The following ZC2HC1A variants were observed in gnomAD, a reference collection of about 807,000 sequenced individuals.
ZC2HC1A encodes zinc finger C2HC domain-containing protein 1A.
ZC2HC1A carries 28 observed loss-of-function variants against 40.7 expected under a neutral mutation model. That is an observed-to-expected ratio of 0.69 (90% CI 0.51 to 0.94). ZC2HC1A has a LOEUF of 0.94. Among genes scored for constraint, ZC2HC1A ranks in the 40% least tolerant of loss-of-function variants. The probability of loss-of-function intolerance (pLI) is 0.00; values close to 1 mark genes in which losing one functional copy is unlikely to be tolerated. For missense variants in ZC2HC1A, 389 were observed against 386.3 expected (o/e 1.01, Z -0.06); for synonymous variants, 129 against 129.2 (o/e 1.00, Z 0.01).
At chr8:78,700,410 T>C (rs1207764642) in intron 7 of ZC2HC1A, among the ~76,000 whole-genome samples, 1 of 152,194 alleles carries the variant, frequency 6.6e-6, no homozygotes, top group African/African-American at 2.4e-5. Context: ...TATTAGACTT[T>C]TGTTGGATGC....
At chr8:78,678,918 A>G (rs1009540172) in intron 3 of ZC2HC1A, 17 of 252,680 alleles carry the variant, frequency 6.7e-5, no homozygotes, top group South Asian at 3.3e-4. Context: ...TGCTGTTTCA[A>G]ACTCCATCAA....
chr8:78,686,058 A>G (rs1809959221), intron 3 of ZC2HC1A: 1 of 152,398 alleles, frequency 6.6e-6, no homozygotes, highest in Admixed American at 6.5e-5. Flanking sequence ...TGCTACTGGG[A>G]TAATGGCATT....
intron 1 of ZC2HC1A, among the ~76,000 whole-genome samples, chr8:78,674,370 A>G (rs921545407): frequency 4.6e-5 from 7 of 152,196 alleles, no homozygotes; most frequent in African/African-American, 1.7e-4. Context: ...ATTTAAAGGA[A>G]TACGTTAAAA....
chr8:78,690,305 A>T (rs994932831), intron 5 of ZC2HC1A, among the ~76,000 whole-genome samples: 4 of 152,188 alleles, frequency 2.6e-5, no homozygotes, highest in African/African-American at 9.6e-5. Context: ...CCCGCCTTTA[A>T]TCCCAGCACT....
intron 4 of ZC2HC1A, among the ~76,000 whole-genome samples, chr8:78,687,280 T>C (rs1810014550): frequency 6.6e-6 from 1 of 151,816 alleles, no homozygotes; most frequent in South Asian, 2.1e-4. Context: ...ATGTTAGTAC[T>C]CTAGATTGGG....
chr8:78,701,192 T>G (rs62518984), intron 7 of ZC2HC1A, among the ~76,000 whole-genome samples: 7,777 of 152,294 alleles, frequency 0.051, 278 homozygotes, highest in Middle Eastern at 0.082. Flanking sequence ...TAGTCCTCCT[T>G]GTATAGATCT....
chr8:78,687,748 TTATATATATTTACGTAAGACATTA>T (rs1372436834), intron 4 of ZC2HC1A, among the ~76,000 whole-genome samples: 3 of 59,712 alleles, frequency 5.0e-5, no homozygotes, highest in Non-Finnish European at 6.9e-5. Context: ...ATGTAATACA[TTATATATATTTACGTAAGACATTA>T]TATATATATT....
chr8:78,674,926 A>G (rs1398443630), intron 1 of ZC2HC1A, among the ~76,000 whole-genome samples: 2 of 152,092 alleles, frequency 1.3e-5, no homozygotes, highest in South Asian at 2.1e-4. Context: ...TTCAGCAGAA[A>G]CTATGGGGAA....
At chr8:78,713,169 A>G (rs1016686893) in intron 7 of ZC2HC1A, among the ~76,000 whole-genome samples, 7 of 152,302 alleles carry the variant, frequency 4.6e-5, no homozygotes, top group African/African-American at 1.7e-4. Flanking sequence ...GGTAGATTCT[A>G]GATACAGAGT....
intron 3 of ZC2HC1A, among the ~76,000 whole-genome samples, chr8:78,681,266 A>C (rs2130457809): frequency 6.6e-6 from 1 of 152,272 alleles, no homozygotes; most frequent in East Asian, 1.9e-4. Context: ...TCTATGCTGA[A>C]TAGTAGAAAT....
At chr8:78,691,177 A>C (rs545440834) in intron 5 of ZC2HC1A, among the ~76,000 whole-genome samples, 66 of 152,162 alleles carry the variant, frequency 4.3e-4, no homozygotes, top group Middle Eastern at 3.4e-3. Context: ...ATTGTTTTTC[A>C]CCATTGTGTA....
At chr8:78,668,790 G>A (rs541610453) in intron 1 of ZC2HC1A, among the ~76,000 whole-genome samples, 1 of 152,252 alleles carries the variant, frequency 6.6e-6, no homozygotes, top group Admixed American at 6.5e-5. Context: ...AAGGATAATA[G>A]AAGTAGTTCT....
intron 1 of ZC2HC1A, among the ~76,000 whole-genome samples, chr8:78,669,138 A>T (rs192154032): frequency 6.7e-6 from 1 of 149,790 alleles, no homozygotes; most frequent in East Asian, 1.9e-4. Context: ...ATAATTCTTT[A>T]TCTTTATTAA....
At chr8:78,694,875 T>C (rs1810348753) in intron 5 of ZC2HC1A, among the ~76,000 whole-genome samples, 1 of 152,214 alleles carries the variant, frequency 6.6e-6, no homozygotes, top group South Asian at 2.1e-4. Flanking sequence ...TATAAAATCA[T>C]TTCATTCTCC....
intron 4 of ZC2HC1A, among the ~76,000 whole-genome samples, chr8:78,688,851 ATTAC>A (rs1170431298): frequency 6.6e-6 from 1 of 152,140 alleles, no homozygotes; most frequent in Non-Finnish European, 1.5e-5. Flanking sequence ...GTCATGTATT[ATTAC>A]TTCCTAACTA....
At chr8:78,667,679 TC>T (rs1339890577) in intron 1 of ZC2HC1A, among the ~76,000 whole-genome samples, 3 of 152,206 alleles carry the variant, frequency 2.0e-5, no homozygotes, top group Admixed American at 2.0e-4. Context: ...ATTATGGGCA[TC>T]TTTTTAGGTT....
At chr8:78,681,869 A>G (rs542399727) in intron 3 of ZC2HC1A, among the ~76,000 whole-genome samples, 1 of 148,636 alleles carries the variant, frequency 6.7e-6, no homozygotes, top group Admixed American at 6.7e-5. Context: ...TAATTCCTTC[A>G]TAATTTGAGT....
In ZC2HC1A at chr8:78,691,892, A is replaced by T. The variant is rs188863815; in HGVS notation, c.504+2519A>T. Among the ~76,000 whole-genome samples, 1,441 of 152,198 alleles carry T rather than the reference A, an allele frequency of 9.5e-3. 10 individuals are homozygous for T. Among genetic ancestry groups the T allele is most frequent in the Non-Finnish European group, 0.016 (1,082 of 68,000 alleles). On this transcript the variant is annotated intron_variant, in intron 5 of 8. Transcript: ENST00000263849. ...GTTATACTTACTGCCTTATTTATAT[A>T]TTTATTGAAATTGTAAACGTGCAGA...
chr8:78,676,188 T>C (rs1809574229), intron 2 of ZC2HC1A: 1 of 175,172 alleles, frequency 5.7e-6, no homozygotes, highest in African/African-American at 2.4e-5. Context: ...TACAAAATAA[T>C]ATAATGTCTG....
Sources: allele counts gnomAD v4.1 joint callset (sites outside exome capture counted in the v4.1 genomes callset), GRCh38; gene constraint gnomAD v4.1.1; transcripts MANE v1.5; gene names NCBI Gene and HGNC (gene_info 2026-07-23, HGNC 2026-07-21).